N4BP2: variants seen among roughly 807,000 people sequenced by gnomAD.
N4BP2 encodes the protein NEDD4-binding protein 2.
A neutral mutation model predicts 152.8 loss-of-function variants in N4BP2; 91 were observed. The observed-to-expected ratio is 0.60, with a 90% CI of 0.50 to 0.71. N4BP2 has a LOEUF of 0.71. Among genes scored for constraint, N4BP2 ranks in the 30% least tolerant of loss-of-function variants. N4BP2 has a pLI of 0.00. For missense variants in N4BP2, 1,923 were observed against 2,059.1 expected (o/e 0.93, Z 1.28); for synonymous variants, 646 against 705.3 (o/e 0.92, Z 1.33).
At chr4:40,184,178 T>C in the N4BP2 span, among the ~76,000 whole-genome samples, 1 of 152,172 alleles carries the variant, frequency 6.6e-6, no homozygotes, top group African/African-American at 2.4e-5. Context: ...GGGCAGGTAG[T>C]CATCTATGTT....
chr4:40,175,111 C>T, the N4BP2 span, among the ~76,000 whole-genome samples: 3 of 151,956 alleles, frequency 2.0e-5, no homozygotes, highest in African/African-American at 2.4e-5. Flanking sequence ...GCCTAGAATT[C>T]CTGGCCTCAA....
chr4:40,123,679 C>T (rs1347840291), intron 10 of N4BP2, among the ~76,000 whole-genome samples: 4 of 151,244 alleles, frequency 2.6e-5, no homozygotes, highest in Non-Finnish European at 5.9e-5. Context: ...GAGGCAAGGT[C>T]TCACTATGTT....
intron 9 of N4BP2, among the ~76,000 whole-genome samples, chr4:40,122,869 A>C (rs1718063174): frequency 6.6e-6 from 1 of 152,232 alleles, no homozygotes; most frequent in Admixed American, 6.5e-5. Flanking sequence ...TGAATAAAGT[A>C]AACATATTTA....
intron 2 of N4BP2, among the ~76,000 whole-genome samples, chr4:40,087,552 A>G (rs756087834): frequency 9.3e-5 from 14 of 151,208 alleles, no homozygotes; most frequent in Non-Finnish European, 7.4e-5. Flanking sequence ...TTTAGTAGAG[A>G]CTGGGTTTTG....
At chr4:40,161,808 T>C (rs897954183), downstream of N4BP2, among the ~76,000 whole-genome samples, 2 of 152,158 alleles carry the variant, frequency 1.3e-5, no homozygotes, top group Admixed American at 1.3e-4. Context: ...TTTTAAAAAG[T>C]TGATGGAAGA....
At chr4:40,125,904 A>T (rs936613599) in intron 11 of N4BP2, among the ~76,000 whole-genome samples, 11 of 149,546 alleles carry the variant, frequency 7.4e-5, no homozygotes, top group South Asian at 2.2e-4. Context: ...AAAAAAAAAA[A>T]AATTATACAC....
At chr4:40,095,221 C>G (rs1203385197) in intron 2 of N4BP2, among the ~76,000 whole-genome samples, 1 of 152,144 alleles carries the variant, frequency 6.6e-6, no homozygotes, top group Admixed American at 6.6e-5. Context: ...GCTGGGATTA[C>G]AGGCCCATGC....
At chr4:40,188,467 G>A in the N4BP2 span, among the ~76,000 whole-genome samples, 10 of 152,162 alleles carry the variant, frequency 6.6e-5, no homozygotes, top group African/African-American at 2.4e-4. Flanking sequence ...TAACTGGGCC[G>A]GATGCAGTGG....
the N4BP2 span, among the ~76,000 whole-genome samples, chr4:40,182,305 G>C: frequency 1.3e-3 from 192 of 152,354 alleles, no homozygotes; most frequent in Non-Finnish European, 2.2e-3. Flanking sequence ...GCTAGAAAGA[G>C]AGGCAGATGC....
At chr4:40,136,264 G>A (rs1321427673) in intron 13 of N4BP2, among the ~76,000 whole-genome samples, 1 of 152,088 alleles carries the variant, frequency 6.6e-6, no homozygotes, top group Non-Finnish European at 1.5e-5. Flanking sequence ...ATCCAACAAA[G>A]GATTTAAGAA....
chr4:40,181,410 A>T, the N4BP2 span, among the ~76,000 whole-genome samples: 2 of 152,196 alleles, frequency 1.3e-5, no homozygotes, highest in African/African-American at 2.4e-5. Context: ...CATATCAATT[A>T]GGATTAGATT....
chr4:40,157,657 A>G lies in N4BP2; in HGVS notation c.*3420A>G, dbSNP rs1014060144. On this transcript the variant is annotated 3_prime_UTR_variant, in exon 18 of 18. Transcript: ENST00000261435. ...TTTCTAAGTGCTTTTCCATTGTGCA[A>G]TGAGGTGAAGTTTGGTAATTTTTCG... The G allele has an allele frequency of 2.0e-5, 3 of 152,136 alleles. No individual in the cohort carries two copies. The highest frequency in any genetic ancestry group is 4.8e-5 in the African/African-American group (2 of 41,438). The allele number at this position is 152,136 out of a possible 1,614,324, so 9.4% of individuals were successfully genotyped here.
intron 1 of N4BP2, among the ~76,000 whole-genome samples, chr4:40,063,320 T>A (rs1282938670): frequency 6.6e-6 from 1 of 152,202 alleles, no homozygotes; most frequent in East Asian, 1.9e-4. Context: ...TTCCCATAGT[T>A]GGGACCTTTC....
intron 9 of N4BP2, 133 bp from the exon 10 acceptor site, chr4:40,122,994 T>C: frequency 1.8e-6 from 1 of 560,136 alleles, no homozygotes; most frequent in Non-Finnish European, 3.2e-6. Flanking sequence ...CTCTAAGATT[T>C]AGTAAATAGA....
rs766096752 is a variant in N4BP2, at chr4:40,119,952, T to C, written c.1841T>C (p.Ile614Thr). ...RSTSPRDDED[I>T]ISEKEENILS... Reference sequence around the variant, plus strand: ...TACAGCCCAAGAGACGATGAAGATATTATCTCTGAAAAAGAAGAAAATATT... The same window carrying C: ...TACAGCCCAAGAGACGATGAAGATACTATCTCTGAAAAAGAAGAAAATATT... The change falls in exon 9 of 18, where the codon ATT becomes ACT. Residue 614 changes from isoleucine to threonine, a missense_variant. Coordinates refer to ENST00000261435, the MANE Select transcript of N4BP2 (RefSeq NM_018177.6). 4.1e-6 allele frequency: 6 copies of C among 1,452,388 alleles called. No individual in the cohort carries two copies. The South Asian group carries it at 5.2e-5, about 12-fold the overall frequency. The allele number at this position is 1,452,388 out of a possible 1,614,324, so 90.0% of individuals were successfully genotyped here.
rs1224729377 is a variant in N4BP2 at position 40,121,318 on chromosome 4, A to T, written c.3207A>T (p.Arg1069Ser). ...KSDVQEAIPY[R>S]VMYDKSTFVE... ...ACGTTCAAGAAGCAATTCCATATAG[A>T]GTAATGTATGATAAAAGCACGTTTG... The change falls in exon 9 of 18, where the codon AGA becomes AGT. Residue 1069 changes from arginine to serine, a missense_variant. Transcript: ENST00000261435. 6.2e-7 allele frequency: 1 copy of T among 1,614,010 alleles called. No individual in the cohort carries two copies. Among genetic ancestry groups the T allele is most frequent in the Admixed American group, 1.7e-5 (1 of 59,946 alleles).
chr4:40,095,903 C>T (rs1202533581), intron 2 of N4BP2, among the ~76,000 whole-genome samples: 3 of 152,030 alleles, frequency 2.0e-5, no homozygotes, highest in South Asian at 2.1e-4. Context: ...CTTTTTACAT[C>T]GTATAAAGCT....
At position 40,156,449 on chromosome 4, in the gene N4BP2, G is replaced by T. The variant is rs2109299130; in HGVS notation, c.*2212G>T. ...TTAATCATTGTTGATAAATATACAG[G>T]CAAAGTTTGAGCATCATATGTATTT... On this transcript the variant is annotated 3_prime_UTR_variant, in exon 18 of 18. Transcript: ENST00000261435. The T allele has an allele frequency of 6.6e-6, 1 of 152,178 alleles. No homozygotes were observed. The highest frequency in any genetic ancestry group is 2.4e-5 in the African/African-American group (1 of 41,540). The allele number at this position is 152,178 out of a possible 1,614,324, so 9.4% of individuals were successfully genotyped here. A position where few individuals can be genotyped will look rare whatever the true frequency, so the allele number is the denominator to read the frequency against.
intron 3 of N4BP2, among the ~76,000 whole-genome samples, chr4:40,099,850 T>C (rs1392159717): frequency 2.0e-5 from 3 of 152,104 alleles, no homozygotes; most frequent in African/African-American, 7.2e-5. Context: ...TACTGTCATG[T>C]AGATTTTTTT....
Sources: allele counts gnomAD v4.1 joint callset (sites outside exome capture counted in the v4.1 genomes callset), GRCh38; gene constraint gnomAD v4.1.1; transcripts MANE v1.5; gene names NCBI Gene and HGNC (gene_info 2026-07-23, HGNC 2026-07-21).